PCDH9: variants seen among roughly 807,000 people sequenced by gnomAD.
The protein encoded by PCDH9 is protocadherin 9, also known as protocadherin-9.
In PCDH9, 24 loss-of-function variants were observed where a neutral mutation model predicts 70.6. That is an observed-to-expected ratio of 0.34 (90% CI 0.25 to 0.48). The LOEUF is 0.48. PCDH9 is among the 20% of genes least tolerant of loss of function. The pLI, the probability that PCDH9 is intolerant of heterozygous loss-of-function variation, is 0.99. For synonymous variants in PCDH9, 562 were observed against 558.5 expected, an observed-to-expected ratio of 1.01 and a Z score of -0.09; for missense variants, 1,281 against 1,503.6, an observed-to-expected ratio of 0.85 and a Z score of 2.45.
chr13:67,228,152 G>C lies in PCDH9; in HGVS notation c.289C>G (p.Leu97Val). Residue 97 changes from leucine to valine, a missense_variant, in exon 2 of 5, where the codon CTC (leucine) becomes GTC (valine). Leu to Val is a conservative substitution (Grantham distance 32). This residue lies in a region of PCDH9 where 798 missense variants were observed against 1,003.1 expected (regional missense o/e 0.80). Coordinates refer to ENST00000377865, the MANE Select transcript of PCDH9 (RefSeq NM_203487.3). Reference protein sequence around the residue: ...TTSNRIDREKLCAGASYAEEN... With the variant: ...TTSNRIDREKVCAGASYAEEN... ...TCAGCATATGAGGCGCCAGCACAGA[G>C]TTTTTCTCTGTCTATTCTGTTGGAG... The C allele has an allele frequency of 6.2e-7, 1 of 1,614,106 alleles. No individual in the cohort carries two copies. The highest frequency in any genetic ancestry group is 1.3e-5 in the African/African-American group (1 of 75,042).
intron 3 of PCDH9, among the ~76,000 whole-genome samples, chr13:66,825,914 G>GT (rs1316914133): frequency 2.0e-5 from 3 of 151,558 alleles, no homozygotes; most frequent in African/African-American, 4.9e-5. Flanking sequence ...AAGAATGATA[G>GT]TTTTTTTTGC....
At chr13:67,061,557 T>C (rs2138127956) in intron 2 of PCDH9, among the ~76,000 whole-genome samples, 1 of 152,264 alleles carries the variant, frequency 6.6e-6, no homozygotes, top group Admixed American at 6.6e-5. Flanking sequence ...TAAAAATACA[T>C]GTCCTTTCCA....
At chr13:66,929,618 C>G (rs570736913) in intron 2 of PCDH9, among the ~76,000 whole-genome samples, 2 of 152,234 alleles carry the variant, frequency 1.3e-5, no homozygotes, top group South Asian at 4.2e-4. Context: ...GTTACCACAC[C>G]TAGCTGACTT....
At chr13:66,980,272 A>G (rs1052423589) in intron 2 of PCDH9, among the ~76,000 whole-genome samples, 2 of 151,976 alleles carry the variant, frequency 1.3e-5, no homozygotes, top group African/African-American at 2.4e-5. Flanking sequence ...CCCCCATTCA[A>G]TCCATCCAGA....
intron 3 of PCDH9, among the ~76,000 whole-genome samples, chr13:66,863,155 C>G (rs559817519): frequency 6.6e-6 from 1 of 152,078 alleles, no homozygotes; most frequent in African/African-American, 2.4e-5. Flanking sequence ...AATAAACAAA[C>G]AAAAGCAAGA....
At chr13:66,684,559 C>G (rs1320732972) in intron 3 of PCDH9, among the ~76,000 whole-genome samples, 1 of 152,098 alleles carries the variant, frequency 6.6e-6, no homozygotes, top group Non-Finnish European at 1.5e-5. Context: ...AAGGGGCTTT[C>G]CCCCTTTCAC....
intron 4 of PCDH9, among the ~76,000 whole-genome samples, chr13:66,433,447 T>C (rs1310656947): frequency 2.0e-5 from 3 of 151,832 alleles, no homozygotes; most frequent in Non-Finnish European, 4.4e-5. Context: ...CCTTCCTTTT[T>C]TTTCAAGCTA....
chr13:66,393,996 G>A (rs1188462858), intron 4 of PCDH9, among the ~76,000 whole-genome samples: 1 of 152,144 alleles, frequency 6.6e-6, no homozygotes, highest in Non-Finnish European at 1.5e-5. Flanking sequence ...TATGACTGAC[G>A]GGAGAAATAG....
chr13:66,799,381 G>C (rs1310587135), intron 3 of PCDH9, among the ~76,000 whole-genome samples: 2 of 151,966 alleles, frequency 1.3e-5, no homozygotes, highest in Non-Finnish European at 2.9e-5. Context: ...ATGGAGACTG[G>C]GCATGATTGG....
At chr13:67,052,955 A>G (rs1439235416) in intron 2 of PCDH9, among the ~76,000 whole-genome samples, 1 of 152,094 alleles carries the variant, frequency 6.6e-6, no homozygotes, top group African/African-American at 2.4e-5. Context: ...GGACATGACA[A>G]GTAAGCCGTT....
intron 2 of PCDH9, among the ~76,000 whole-genome samples, chr13:67,152,611 G>A (rs1026114985): frequency 1.3e-5 from 2 of 152,172 alleles, no homozygotes; most frequent in African/African-American, 4.8e-5. Flanking sequence ...TGCCCTTGTG[G>A]AAAGGAAGGA....
intron 4 of PCDH9, among the ~76,000 whole-genome samples, chr13:66,427,179 A>G (rs1471991650): frequency 6.6e-6 from 1 of 151,660 alleles, no homozygotes; most frequent in African/African-American, 2.4e-5. Context: ...ATTAATGTAG[A>G]TCATGAACCT....
chr13:67,090,721 G>T (rs969478988), intron 2 of PCDH9, among the ~76,000 whole-genome samples: 3 of 151,810 alleles, frequency 2.0e-5, no homozygotes, highest in Non-Finnish European at 2.9e-5. Context: ...ACGAAAAAAA[G>T]AAGATATGAG....
intron 4 of PCDH9, among the ~76,000 whole-genome samples, chr13:66,467,289 C>G (rs761571718): frequency 5.3e-5 from 8 of 152,020 alleles, no homozygotes; most frequent in Non-Finnish European, 1.2e-4. Flanking sequence ...AAAAGTTTCT[C>G]CTCACGCCAA....
chr13:67,105,619 TA>T (rs1478370242), intron 2 of PCDH9, among the ~76,000 whole-genome samples: 1 of 152,140 alleles, frequency 6.6e-6, no homozygotes, highest in African/African-American at 2.4e-5. Flanking sequence ...AGCATCTTTT[TA>T]AAACTGTGTT....
At chr13:66,794,652 C>T (rs1178635940) in intron 3 of PCDH9, among the ~76,000 whole-genome samples, 2 of 152,130 alleles carry the variant, frequency 1.3e-5, no homozygotes, top group Admixed American at 6.6e-5. Flanking sequence ...GAATGGCTGG[C>T]AGTAATGCTG....
intron 4 of PCDH9, among the ~76,000 whole-genome samples, chr13:66,560,403 G>A (rs1961957684): frequency 6.6e-6 from 1 of 151,032 alleles, no homozygotes; most frequent in African/African-American, 2.5e-5. Flanking sequence ...GGCCCTGAGG[G>A]ACCAACACAA....
At chr13:66,961,353 CCCAA>C (rs2083342129) in intron 2 of PCDH9, among the ~76,000 whole-genome samples, 4 of 152,090 alleles carry the variant, frequency 2.6e-5, no homozygotes, top group Non-Finnish European at 5.9e-5. Context: ...ACATTGTGTT[CCCAA>C]TACCAGACCC....
chr13:66,467,066 CA>C (rs1329915441), intron 4 of PCDH9, among the ~76,000 whole-genome samples: 1 of 151,966 alleles, frequency 6.6e-6, no homozygotes, highest in African/African-American at 2.4e-5. Context: ...ATTCCTAATA[CA>C]ATGGGGAAGT....
Sources: gnomAD v4.1 joint callset for allele counts (sites outside exome capture counted in the v4.1 genomes callset) on GRCh38, gnomAD v4.1.1 for gene constraint, gnomAD v4.1.1 regional missense constraint, MANE v1.5 for transcripts, NCBI Gene and HGNC (gene_info 2026-07-23, HGNC 2026-07-21) for gene names.